Variants in RBMS3 observed in about 807,000 individuals in gnomAD.
RBMS3 encodes RNA binding motif single stranded interacting protein 3.
In RBMS3, 27 loss-of-function variants were observed where a neutral mutation model predicts 66.8. The ratio of observed to expected loss-of-function variants is 0.40; its 90% CI spans 0.30 to 0.56. The LOEUF is 0.56. Among genes scored for constraint, RBMS3 ranks in the 20% least tolerant of loss-of-function variants. The pLI is 0.40. For missense variants in RBMS3, 513 were observed against 549.5 expected, an observed-to-expected ratio of 0.93 and a Z score of 0.66; for synonymous variants, 188 against 183.0, an observed-to-expected ratio of 1.03 and a Z score of -0.22.
chr3:29,655,075 C>T (rs1037483039), intron 4 of RBMS3, among the ~76,000 whole-genome samples: 3 of 152,198 alleles, frequency 2.0e-5, no homozygotes, highest in Non-Finnish European at 4.4e-5. Context: ...CTCTTTCTTC[C>T]TCAGTGTCTT....
At chr3:29,592,780 T>C (rs1234549522) in intron 4 of RBMS3, among the ~76,000 whole-genome samples, 1 of 151,976 alleles carries the variant, frequency 6.6e-6, no homozygotes, top group East Asian at 1.9e-4. Context: ...GATGATAGAC[T>C]GGATTAAGAA....
intron 4 of RBMS3, 151 bp from the exon 5 acceptor site, chr3:29,739,569 C>A (rs1340322456): frequency 7.5e-6 from 4 of 530,604 alleles, no homozygotes; most frequent in Non-Finnish European, 1.3e-5. Flanking sequence ...CACAAGACAT[C>A]AGTAAAAAGA....
intron 6 of RBMS3, among the ~76,000 whole-genome samples, chr3:29,803,517 T>C (rs956440021): frequency 3.3e-5 from 5 of 152,122 alleles, no homozygotes; most frequent in African/African-American, 1.2e-4. Flanking sequence ...CATTGGAATA[T>C]CTATCACCTA....
intron 1 of RBMS3, among the ~76,000 whole-genome samples, chr3:29,292,465 T>C (rs931415525): frequency 6.6e-6 from 1 of 151,932 alleles, no homozygotes; most frequent in East Asian, 1.9e-4. Flanking sequence ...TTGTGGTACC[T>C]TCTCATGATC....
At chr3:29,412,038 A>G (rs2040286723) in intron 1 of RBMS3, among the ~76,000 whole-genome samples, 1 of 152,244 alleles carries the variant, frequency 6.6e-6, no homozygotes, top group Admixed American at 6.5e-5. Flanking sequence ...TTAAAATTCA[A>G]ATGTGCATTT....
intron 4 of RBMS3, among the ~76,000 whole-genome samples, chr3:29,665,642 G>A (rs2050722126): frequency 6.6e-6 from 1 of 152,024 alleles, no homozygotes; most frequent in African/African-American, 2.4e-5. Flanking sequence ...TGCCAACATT[G>A]CCCTTTTAGG....
chr3:29,712,446 C>A (rs962391739), intron 4 of RBMS3, among the ~76,000 whole-genome samples: 3 of 151,950 alleles, frequency 2.0e-5, no homozygotes, highest in African/African-American at 7.3e-5. Context: ...CCAAGTAGCT[C>A]GGGCTACGAA....
chr3:29,551,409 A>G (rs915056664), intron 3 of RBMS3, among the ~76,000 whole-genome samples: 1 of 152,236 alleles, frequency 6.6e-6, no homozygotes, highest in Non-Finnish European at 1.5e-5. Context: ...TAAGCCCCAA[A>G]TTAGATGTAT....
intron 12 of RBMS3, among the ~76,000 whole-genome samples, chr3:29,961,474 C>A (rs1696439567): frequency 6.6e-6 from 1 of 152,058 alleles, no homozygotes; most frequent in African/African-American, 2.4e-5. Flanking sequence ...TACAGCAGCA[C>A]CCCACTACAC....
chr3:29,997,693 A>G (rs1349729269), intron 14 of RBMS3, among the ~76,000 whole-genome samples: 2 of 151,970 alleles, frequency 1.3e-5, no homozygotes, highest in Non-Finnish European at 2.9e-5. Context: ...ATAGATGCAG[A>G]AAAAGCCTTT....
intron 4 of RBMS3, among the ~76,000 whole-genome samples, chr3:29,623,213 C>G (rs1256923460): frequency 6.7e-6 from 1 of 149,454 alleles, no homozygotes; most frequent in Non-Finnish European, 1.5e-5. Context: ...GTATTTTAAT[C>G]TATTTAATTT....
intron 10 of RBMS3, among the ~76,000 whole-genome samples, chr3:29,928,628 C>G (rs1472399471): frequency 6.6e-6 from 1 of 152,130 alleles, no homozygotes; most frequent in Non-Finnish European, 1.5e-5. Flanking sequence ...ATCTACACCA[C>G]AACACATGTA....
intron 3 of RBMS3, among the ~76,000 whole-genome samples, chr3:29,554,845 C>G (rs2046292482): frequency 6.6e-6 from 1 of 152,056 alleles, no homozygotes; most frequent in Non-Finnish European, 1.5e-5. Flanking sequence ...ACTTGACCTC[C>G]ATACTATAAA....
chr3:29,521,891 G>C (rs1431248017), intron 3 of RBMS3, among the ~76,000 whole-genome samples: 1 of 152,168 alleles, frequency 6.6e-6, no homozygotes, highest in African/African-American at 2.4e-5. Flanking sequence ...AGCTGACCTT[G>C]TGTATTTACT....
intron 8 of RBMS3, among the ~76,000 whole-genome samples, chr3:29,885,690 G>A (rs925923096): frequency 2.1e-4 from 32 of 151,748 alleles, no homozygotes; most frequent in African/African-American, 6.3e-4. Flanking sequence ...TCCAGTAATT[G>A]GATTCAATAA....
chr3:29,414,329 T>G (rs528891388), intron 1 of RBMS3, among the ~76,000 whole-genome samples: 3 of 152,340 alleles, frequency 2.0e-5, no homozygotes, highest in Non-Finnish European at 4.4e-5. Context: ...GACCACCCAC[T>G]TTCTCCATTA....
intron 1 of RBMS3, among the ~76,000 whole-genome samples, chr3:29,375,739 T>G (rs965832202): frequency 2.0e-5 from 3 of 152,168 alleles, no homozygotes; most frequent in Non-Finnish European, 4.4e-5. Flanking sequence ...AGGGAACACT[T>G]TTACATGTTG....
chr3:29,649,159 CTTAA>C (rs1222074129), intron 4 of RBMS3, among the ~76,000 whole-genome samples: 2 of 152,182 alleles, frequency 1.3e-5, no homozygotes, highest in African/African-American at 4.8e-5. Flanking sequence ...TTTTTCTCTA[CTTAA>C]TTAATTTTTA....
intron 4 of RBMS3, among the ~76,000 whole-genome samples, chr3:29,625,636 T>G (rs979729429): frequency 6.6e-6 from 1 of 151,640 alleles, no homozygotes; most frequent in African/African-American, 2.4e-5. Context: ...AGGTGGGGGT[T>G]GCAGTGAGCT....
Sources: allele counts gnomAD v4.1 joint callset (sites outside exome capture counted in the v4.1 genomes callset), GRCh38; gene constraint gnomAD v4.1.1; transcripts MANE v1.5; gene names NCBI Gene and HGNC (gene_info 2026-07-23, HGNC 2026-07-21).